CILP2: variants seen among roughly 807,000 people sequenced by gnomAD.
CILP2 encodes cartilage intermediate layer protein 2.
CILP2 carries 38 observed loss-of-function variants against 45.6 expected under a neutral mutation model. That is an observed-to-expected ratio of 0.83 (90% CI 0.64 to 1.09). The LOEUF (loss-of-function observed/expected upper bound fraction) is 1.09. CILP2 is among the 50% of genes least tolerant of loss of function. CILP2 has a pLI of 0.00. For synonymous variants in CILP2, 780 were observed against 723.5 expected (o/e 1.08, Z -1.25); for missense variants, 1,735 against 1,662.2 (o/e 1.04, Z -0.76).
In CILP2 at chr19:19,544,752, G is replaced by C; in HGVS notation, c.2207G>C (p.Arg736Pro). 1 of 1,606,148 alleles carries C rather than the reference G, an allele frequency of 6.2e-7. No individual in the cohort carries two copies. The highest frequency in any genetic ancestry group is 8.5e-7 in the Non-Finnish European group (1 of 1,179,128). Residue 736 changes from arginine (R) to proline (P), a missense_variant, in exon 8 of 8, where the codon CGC becomes CCC. Transcript: ENST00000291495. ...AATCTGGACGTGCCTGAGCGCCGCC[G>C]CTGCTTCGTGAAGGTGCGCGCCTAC... The part of the protein sequence containing the change: ...LFNLDVPERR[R>P]CFVKVRAYAN...
At chr19:19,539,120 C>CG (rs1182079075) in intron 1 of CILP2, among the ~76,000 whole-genome samples, 1 of 152,076 alleles carries the variant, frequency 6.6e-6, no homozygotes, top group East Asian at 1.9e-4. Context: ...CTTCCCCAGC[C>CG]GGGGGGTTAG....
chr19:19,542,278 C>T, intron 4 of CILP2, 97 bp from the exon 5 acceptor site: 1 of 1,439,916 alleles, frequency 6.9e-7, no homozygotes, highest in Non-Finnish European at 9.3e-7. Context: ...TGGGGGGGCC[C>T]CAGGCATATT....
Position 19,545,361 on chromosome 19 carries a change from G to C in CILP2, c.2816G>C (p.Cys939Ser), listed in dbSNP as rs2061261006. The change falls in exon 8 of 8, where the codon TGC (cysteine) becomes TCC (serine). Residue 939 changes from cysteine to serine, a missense_variant. Transcript: ENST00000291495. ...CCCAACCCGCAGGAGTTCCGGGCCT[G>C]CTTCCTCAAGGTGAAGATCCAGGGT... ...WWPNPQEFRA[C>S]FLKVKIQGPQ... The C allele has an allele frequency of 6.2e-7, 1 of 1,612,276 alleles. No individual in the cohort carries two copies. Among genetic ancestry groups the C allele is most frequent in the Non-Finnish European group, 8.5e-7 (1 of 1,179,724 alleles).
chr19:19,545,355 G>T lies in CILP2; in HGVS notation c.2810G>T (p.Arg937Leu). ...LAWWPNPQEF[R>L]ACFLKVKIQG... is the part of the protein sequence containing the mutation. The stretch of plus-strand genomic sequence containing the variant: ...TGGTGGCCCAACCCGCAGGAGTTCC[G>T]GGCCTGCTTCCTCAAGGTGAAGATC... Residue 937 changes from arginine (R) to leucine (L), a missense_variant, in exon 8 of 8, where the codon CGG becomes CTG. By Grantham distance (102) the Arg-to-Leu change is moderately radical (BLOSUM62 -2). Transcript: ENST00000291495. 6.2e-7 allele frequency: 1 copy of T among 1,612,228 alleles called. No individual in the cohort carries two copies. Among genetic ancestry groups the T allele is most frequent in the Non-Finnish European group, 8.5e-7 (1 of 1,179,662 alleles).
Position 19,543,681 on chromosome 19 carries a change from C to A in CILP2, c.1136C>A (p.Ala379Asp). 1.3e-6 allele frequency: 2 copies of A among 1,587,954 alleles called. No individual in the cohort carries two copies. The highest frequency in any genetic ancestry group is 2.3e-5 in the South Asian group (2 of 87,342). Reference sequence around the variant, plus strand: ...ACCTGCATGTTTTCTTTGTCCCCAGCCCCAGGCCAGCCAGCCTGCGACCCC... The same window carrying A: ...ACCTGCATGTTTTCTTTGTCCCCAGACCCAGGCCAGCCAGCCTGCGACCCC... The part of the protein sequence containing the change: ...RSGTARLTVL[A>D]PGQPACDPRP... Residue 379 changes from alanine (A) to aspartate (D), a missense_variant and splice_region_variant, in exon 8 of 8, where the codon GCC becomes GAC. Transcript: ENST00000291495.
Position 19,538,359 on chromosome 19 carries a change from C to G in CILP2, c.10C>G (p.Leu4Val). 9 of 1,581,384 alleles carry G rather than the reference C, an allele frequency of 5.7e-6. No homozygotes were observed. The highest frequency in any genetic ancestry group is 6.8e-6 in the Non-Finnish European group (8 of 1,172,052). The change falls in exon 1 of 8, where the codon CTG becomes GTG. Residue 4 changes from leucine (L) to valine (V), a missense_variant. By Grantham distance (32) the Leu-to-Val change is conservative. Coordinates refer to ENST00000291495, the MANE Select transcript of CILP2 (RefSeq NM_153221.2). ...ACGCTCTGCCCCGGCCATGGCGTCG[C>G]TGCTGCCACTGCTCTGTCTCTGTGT... is the stretch of plus-strand genomic sequence containing the variant. The part of the protein sequence containing the change: MAS[L>V]LPLLCLCVVA...
intron 1 of CILP2, 95 bp from the exon 2 acceptor site, chr19:19,539,584 G>T (rs945581926): frequency 6.5e-6 from 5 of 768,288 alleles, no homozygotes; most frequent in Non-Finnish European, 9.7e-6. Flanking sequence ...AAAAAAAGGG[G>T]GGGGATGATC....
chr19:19,540,996 G>C, intron 3 of CILP2, 95 bp from the exon 4 acceptor site: 1 of 1,117,448 alleles, frequency 8.9e-7, no homozygotes, highest in Non-Finnish European at 1.1e-6. Flanking sequence ...CATATGTGAG[G>C]GGGTTGGGGA....
rs1180543276 is a variant in CILP2 at position 19,543,338 on chromosome 19, C to G, written c.1068C>G (p.Ile356Met). ...GACTGCGCCCAGACCAGGCTGGCAT[C>G]TACCACTGCAAGGCATGGAATGAGG... The part of the protein sequence containing the change: ...LRGLRPDQAG[I>M]YHCKAWNEAG... Residue 356 changes from isoleucine (I) to methionine (M), a missense_variant, in exon 7 of 8, where the codon ATC becomes ATG. By Grantham distance (10) the Ile-to-Met change is conservative. Coordinates refer to ENST00000291495, the MANE Select transcript of CILP2 (RefSeq NM_153221.2). 2 of 1,613,594 alleles carry G rather than the reference C, an allele frequency of 1.2e-6. No homozygotes were observed. The highest frequency in any genetic ancestry group is 1.7e-5 in the Admixed American group (1 of 60,014).
chr19:19,542,016 G>A (rs1260047229), intron 4 of CILP2, among the ~76,000 whole-genome samples: 2 of 152,212 alleles, frequency 1.3e-5, no homozygotes, highest in Admixed American at 1.3e-4. Context: ...AAGGGGGGCA[G>A]TTGTTCTCAG....
intron 1 of CILP2, among the ~76,000 whole-genome samples, chr19:19,538,796 G>A (rs940654332): frequency 6.6e-6 from 1 of 152,218 alleles, no homozygotes; most frequent in Non-Finnish European, 1.5e-5. Flanking sequence ...GGCGGGGGAC[G>A]GGCCCACTTC....
chr19:19,539,587 G>GGGT, intron 1 of CILP2, 92 bp from the exon 2 acceptor site: 1 of 784,756 alleles, frequency 1.3e-6, no homozygotes, highest in Non-Finnish European at 1.9e-6. Context: ...AAAAGGGGGG[G>GGGT]GATGATCGTG....
Position 19,541,211 on chromosome 19 carries a change from T to A in CILP2, c.557T>A (p.Leu186Gln). The A allele has an allele frequency of 7.8e-7, 1 of 1,280,740 alleles. No individual in the cohort carries two copies. Among genetic ancestry groups the A allele is most frequent in the Middle Eastern group, 2.2e-4 (1 of 4,446 alleles). The allele number at this position is 1,280,740 out of a possible 1,614,324, so 79.3% of individuals were successfully genotyped here. A position where few individuals can be genotyped will look rare whatever the true frequency, so the allele number is the denominator to read the frequency against. ...GGGGATGCGTGTCCCGGGCGTCCTC[T>A]GGAGGCGCAGAAGTGCGTGCGGCCT... ...PAGDACPGRP[L>Q]EAQKCVRPRC... The change falls in exon 4 of 8, where the codon CTG (leucine) becomes CAG (glutamine). Residue 186 changes from leucine (L) to glutamine (Q), a missense_variant. Coordinates refer to ENST00000291495, the MANE Select transcript of CILP2 (RefSeq NM_153221.2).
intron 5 of CILP2, 94 bp from the exon 6 acceptor site, chr19:19,542,770 A>G: frequency 6.4e-7 from 1 of 1,571,212 alleles, no homozygotes; most frequent in South Asian, 1.1e-5. Flanking sequence ...GCACAGAGTG[A>G]GTCGGCATTT....
rs1225219589 is a variant in CILP2, at chr19:19,544,392, C to T, written c.1847C>T (p.Thr616Ile). ...RVTFVDPRDL[T>I]SAASAPSDLR... ...ACGTTCGTGGACCCCCGAGACCTCA[C>T]CTCGGCGGCGTCTGCCCCCAGTGAC... The change falls in exon 8 of 8, where the codon ACC becomes ATC. Residue 616 changes from threonine (T) to isoleucine (I), a missense_variant. By Grantham distance (89) the Thr-to-Ile change is moderately conservative. Coordinates refer to ENST00000291495, the MANE Select transcript of CILP2 (RefSeq NM_153221.2). 2 of 1,610,198 alleles carry T rather than the reference C, an allele frequency of 1.2e-6. No individual in the cohort carries two copies. Among genetic ancestry groups the T allele is most frequent in the African/African-American group, 1.3e-5 (1 of 74,888 alleles).
In CILP2 at chr19:19,541,115, C is replaced by T; in HGVS notation, c.461C>T (p.Pro154Leu). 7.9e-7 allele frequency: 1 copy of T among 1,261,428 alleles called. No individual in the cohort carries two copies. The highest frequency in any genetic ancestry group is 1.0e-6 in the Non-Finnish European group (1 of 1,003,218). The allele number at this position is 1,261,428 out of a possible 1,614,324, so 78.1% of individuals were successfully genotyped here. Residue 154 changes from proline (P) to leucine (L), a missense_variant, in exon 4 of 8, where the codon CCG becomes CTG. By Grantham distance (98) the Pro-to-Leu change is moderately conservative. Transcript: ENST00000291495. ...GAAGCCTCGTGGGGCGCGTGGGGCC[C>T]GTGGGGTCCCTGCTCGGGGAGCTGT... ...PLEASWGAWGPWGPCSGSCGP... is the reference protein window; with the variant it reads ...PLEASWGAWGLWGPCSGSCGP...
rs377594014 is a variant in CILP2 at position 19,545,604 on chromosome 19, G to T, written c.3059G>T (p.Arg1020Leu). 9.0e-5 allele frequency: 145 copies of T among 1,608,532 alleles called. No homozygotes were observed. Among genetic ancestry groups the T allele is most frequent in the Non-Finnish European group, 1.2e-4 (142 of 1,177,376 alleles). The stretch of plus-strand genomic sequence containing the variant: ...ATTATGCCCCAGGGCAGCTGCCGGC[G>T]CGTGGCCGTCAACGGACTCCTTCGG... ...VTIMPQGSCR[R>L]VAVNGLLRDY... Residue 1020 changes from arginine (R) to leucine (L), a missense_variant, in exon 8 of 8, where the codon CGC becomes CTC. Coordinates refer to ENST00000291495, the MANE Select transcript of CILP2 (RefSeq NM_153221.2).
Position 19,545,616 on chromosome 19 carries a change from ACGGAC to A in CILP2, c.3072_3076del (p.Gly1025ProfsTer40). The A allele has an allele frequency of 6.2e-7, 1 of 1,608,676 alleles. No individual in the cohort carries two copies. The highest frequency in any genetic ancestry group is 8.5e-7 in the Non-Finnish European group (1 of 1,177,296). On this transcript the variant is annotated frameshift_variant, in exon 8 of 8. Transcript: ENST00000291495. LOFTEE classifies it low-confidence loss of function (END_TRUNC). ...GGCAGCTGCCGGCGCGTGGCCGTCA[ACGGAC>A]TCCTTCGGGATTACCTGACCCGGCA...
Position 19,544,090 on chromosome 19 carries a change from C to T in CILP2, c.1545C>T (p.Pro515=). The part of the protein sequence containing the change: ...YQGDFTIEVP[P]STQRLVVTFV... ...GCGACTTTACCATTGAGGTGCCGCC[C>T]TCCACCCAGCGGCTGGTGGTGACTT... The change falls in exon 8 of 8, where the codon CCC becomes CCT. Residue 515 remains proline (P), a synonymous_variant. Coordinates refer to ENST00000291495, the MANE Select transcript of CILP2 (RefSeq NM_153221.2). 6.2e-7 allele frequency: 1 copy of T among 1,614,040 alleles called. No homozygotes were observed. Among genetic ancestry groups the T allele is most frequent in the Non-Finnish European group, 8.5e-7 (1 of 1,180,022 alleles).
Sources: gnomAD v4.1 joint callset for allele counts (sites outside exome capture counted in the v4.1 genomes callset) on GRCh38, gnomAD v4.1.1 for gene constraint, MANE v1.5 for transcripts, NCBI Gene and HGNC (gene_info 2026-07-23, HGNC 2026-07-21) for gene names.